Variants in HEATR9 observed in about 807,000 individuals in gnomAD.
The protein encoded by HEATR9 is protein HEATR9.
HEATR9 carries 54 observed loss-of-function variants against 68.2 expected under a neutral mutation model. The ratio of observed to expected loss-of-function variants is 0.79; its 90% confidence interval spans 0.64 to 0.99. The LOEUF (loss-of-function observed/expected upper bound fraction) is 0.99, where lower values mean the gene tolerates loss of function less well. Among genes scored for constraint, HEATR9 ranks in the 50% least tolerant of loss-of-function variants. The pLI is 0.00. For missense variants in HEATR9, 662 were observed against 679.7 expected (o/e 0.97, Z 0.29); for synonymous variants, 241 against 253.5 (o/e 0.95, Z 0.47).
At position 35,859,012 on chromosome 17, in the gene HEATR9, T is replaced by C. The variant is rs1425861655; in HGVS notation, c.815A>G (p.Lys272Arg). The change falls in exon 9 of 15, where the codon AAG becomes AGG. Residue 272 changes from lysine to arginine, a missense_variant. Coordinates refer to ENST00000604834, the MANE Select transcript of HEATR9 (RefSeq NM_152781.4). ...LVPVLQTLIK[K>R]SSSEASLEAA... ...CTCCAGAGATGCTTCACTGGACGAC[T>C]TCTTGATCAGTGTCTGTAGTACAGG... The C allele has an allele frequency of 1.2e-6, 2 of 1,614,196 alleles. No homozygotes were observed. Among genetic ancestry groups the C allele is most frequent in the South Asian group, 1.1e-5 (1 of 91,076 alleles).
At chr17:35,858,110 T>C in intron 11 of HEATR9, 90 bp downstream of exon 11, 2 of 1,550,674 alleles carry the variant, frequency 1.3e-6, no homozygotes, top group Non-Finnish European at 8.9e-7. Context: ...ATGAATGTGA[T>C]ACTTCGGTGG....
At chr17:35,855,614 T>C in intron 14 of HEATR9, 50 bp downstream of exon 14, 1 of 1,552,668 alleles carries the variant, frequency 6.4e-7, no homozygotes, top group Non-Finnish European at 8.9e-7. Context: ...GGGAGAAGCT[T>C]GAAGGAGGGC....
chr17:35,867,428 CAAAAAAAAAAAAAAAAA>C (rs11315915), intron 1 of HEATR9, among the ~76,000 whole-genome samples: 1 of 40,066 alleles, frequency 2.5e-5, no homozygotes, highest in African/African-American at 1.1e-4. Context: ...GAGCAAGACT[CAAAAAAAAAAAAAAAAA>C]AAAAAAAAAA....
intron 1 of HEATR9, among the ~76,000 whole-genome samples, 177 bp from the exon 2 acceptor site, chr17:35,866,950 A>G (rs2088216980): frequency 6.6e-6 from 1 of 152,000 alleles, no homozygotes; most frequent in African/African-American, 2.4e-5. Context: ...TCTACTAAAA[A>G]TACAAAAAAA....
intron 1 of HEATR9, among the ~76,000 whole-genome samples, chr17:35,868,394 G>A (rs532398131): frequency 6.6e-6 from 1 of 152,338 alleles, no homozygotes; most frequent in East Asian, 1.9e-4. Flanking sequence ...CAAGAATTGA[G>A]GGTAAAGAGC....
At chr17:35,865,463 AG>A in intron 2 of HEATR9, 67 bp from the exon 3 acceptor site, 2 of 1,240,948 alleles carry the variant, frequency 1.6e-6, no homozygotes, top group Non-Finnish European at 2.3e-6. Context: ...GGGTATGGGG[AG>A]GAGGGGGTAA....
chr17:35,862,017 G>A (rs2088013229), intron 8 of HEATR9, among the ~76,000 whole-genome samples: 1 of 151,666 alleles, frequency 6.6e-6, no homozygotes, highest in Admixed American at 6.6e-5. Flanking sequence ...CACCACACCT[G>A]GCTAAGTTTT....
chr17:35,866,671 G>T, intron 2 of HEATR9, 53 bp downstream of exon 2: 1 of 1,521,288 alleles, frequency 6.6e-7, no homozygotes, highest in Non-Finnish European at 9.1e-7. Context: ...ATAGTTTGCT[G>T]CCCCTCCTAA....
intron 6 of HEATR9, 50 bp downstream of exon 6, chr17:35,864,196 C>A: frequency 6.6e-7 from 1 of 1,514,984 alleles, no homozygotes; most frequent in Non-Finnish European, 9.2e-7. Context: ...TGCCACACAT[C>A]TCAGACCCTG....
At chr17:35,862,321 T>A (rs1303451468) in intron 8 of HEATR9, among the ~76,000 whole-genome samples, 1 of 152,230 alleles carries the variant, frequency 6.6e-6, no homozygotes, top group Non-Finnish European at 1.5e-5. Context: ...TAGCTGTTTA[T>A]TATCTATTTG....
Position 35,868,880 on chromosome 17 carries a change from A to G in HEATR9, c.-138T>C. On this transcript the variant is annotated 5_prime_UTR_variant, in exon 1 of 15. Coordinates refer to ENST00000604834, the MANE Select transcript of HEATR9 (RefSeq NM_152781.4). The stretch of plus-strand genomic sequence containing the variant: ...GAGGTGTCTGGACTTCTGGAGGTAG[A>G]AGCTTCCAAGTGCTAAGCGACCAGG... 1 of 686,644 alleles carries G rather than the reference A, an allele frequency of 1.5e-6. No individual in the cohort carries two copies. Among genetic ancestry groups the G allele is most frequent in the South Asian group, 1.9e-5 (1 of 53,218 alleles). The allele number at this position is 686,644 out of a possible 1,614,324, so 42.5% of individuals were successfully genotyped here.
In HEATR9 at chr17:35,868,699, G is replaced by A; in HGVS notation, c.44C>T (p.Ser15Leu). 1 of 1,614,182 alleles carries A rather than the reference G, an allele frequency of 6.2e-7. No individual in the cohort carries two copies. Among genetic ancestry groups the A allele is most frequent in the Non-Finnish European group, 8.5e-7 (1 of 1,180,024 alleles). The change falls in exon 1 of 15, where the codon TCA becomes TTA. Residue 15 changes from serine (S) to leucine (L), a missense_variant. Ser to Leu is a moderately radical substitution (Grantham distance 145, BLOSUM62 -2). Transcript: ENST00000604834. ...KSTDISDVSR[S>L]MFLYPWLEYP... Reference sequence around the variant, plus strand: ...TTCCAGCCATGGGTACAGGAACATTGACCTGGAGACATCAGAGATATCAGT... The same window carrying A: ...TTCCAGCCATGGGTACAGGAACATTAACCTGGAGACATCAGAGATATCAGT...
chr17:35,858,889 T>G lies in HEATR9; in HGVS notation c.938A>C (p.Lys313Thr). The G allele has an allele frequency of 6.2e-7, 1 of 1,613,188 alleles. No homozygotes were observed. The highest frequency in any genetic ancestry group is 8.5e-7 in the Non-Finnish European group (1 of 1,179,718). ...ATCCCAGCCTCCTGCCCCTCACACC[T>G]TCATCCGCTGGGTCTTGAGTCCTTG... ...LCQGLKTQRM[K>T]ALRMLVKVMH... Residue 313 changes from lysine to threonine, a missense_variant and splice_region_variant, in exon 9 of 15, where the codon AAG becomes ACG. Transcript: ENST00000604834.
rs115328933 is a variant in HEATR9 at position 35,856,221 on chromosome 17, T to C, written c.1230A>G (p.Gln410=). The C allele has an allele frequency of 9.9e-5, 160 of 1,614,088 alleles. No homozygotes were observed. In the East Asian group the frequency reaches 3.5e-3, roughly 36 times the overall value. Residue 410 remains glutamine (Q), a synonymous_variant, in exon 13 of 15, where the codon CAA becomes CAG. Coordinates refer to ENST00000604834, the MANE Select transcript of HEATR9 (RefSeq NM_152781.4). ...KPTMMNLVEA[Q]LMNPDATARQ... is the part of the protein sequence containing the mutation. ...GTGCAGTGGCATCTGGGTTCATCAG[T>C]TGTCTGTGTAGAAGGGAGTGAGTAT...
rs2087857792 is a variant in HEATR9 at position 35,858,499 on chromosome 17, C to T, written c.966G>A (p.Met322Ile). Residue 322 changes from methionine (M) to isoleucine (I), a missense_variant, in exon 10 of 15, where the codon ATG becomes ATA. Met to Ile is a conservative substitution (Grantham distance 10). Coordinates refer to ENST00000604834, the MANE Select transcript of HEATR9 (RefSeq NM_152781.4). ...TGATGACTGGGGCTGAGTGCACGTG[C>T]ATCACCTTGACCAGCATCCTAAGTG... is the stretch of plus-strand genomic sequence containing the variant. ...MKALRMLVKV[M>I]HVHSAPVIKA... 1 of 1,613,286 alleles carries T rather than the reference C, an allele frequency of 6.2e-7. No individual in the cohort carries two copies. Among genetic ancestry groups the T allele is most frequent in the African/African-American group, 1.3e-5 (1 of 74,456 alleles).
At chr17:35,859,192 A>G in intron 8 of HEATR9, 122 bp from the exon 9 acceptor site, 6 of 876,860 alleles carry the variant, frequency 6.8e-6, no homozygotes, top group Admixed American at 5.4e-5. Context: ...ATTTCAACCA[A>G]TTAACTTATT....
intron 8 of HEATR9, chr17:35,861,420 A>G: frequency 6.2e-7 from 1 of 1,608,654 alleles, no homozygotes; most frequent in Non-Finnish European, 8.5e-7. Flanking sequence ...TGGTCCACCT[A>G]ACTTTGCGAG....
rs377744012 is a variant in HEATR9, at chr17:35,864,372, A to C, written c.511-70T>G. Reference sequence around the variant, plus strand: ...ATCCCCAGGAGTTACCATTCTCTGGATACAGCTGGAGTTTGTGCTTGGAAT... The same window carrying C: ...ATCCCCAGGAGTTACCATTCTCTGGCTACAGCTGGAGTTTGTGCTTGGAAT... On this transcript the variant is annotated intron_variant, in intron 5 of 14. Coordinates refer to ENST00000604834, the MANE Select transcript of HEATR9 (RefSeq NM_152781.4). 4 of 1,526,058 alleles carry C rather than the reference A, an allele frequency of 2.6e-6. No individual in the cohort carries two copies. The African/African-American group carries it at 5.5e-5, about 21-fold the overall frequency. The allele number at this position is 1,526,058 out of a possible 1,614,324, so 94.5% of individuals were successfully genotyped here. A position where few individuals can be genotyped will look rare whatever the true frequency, so the allele number is the denominator to read the frequency against.
At chr17:35,856,275 G>T in intron 12 of HEATR9, 51 bp from the exon 13 acceptor site, 1 of 1,613,950 alleles carries the variant, frequency 6.2e-7, no homozygotes, top group Non-Finnish European at 8.5e-7. Context: ...AGTAGGGGAA[G>T]TGGAAGGGAG....
Sources: allele counts gnomAD v4.1 joint callset (sites outside exome capture counted in the v4.1 genomes callset), GRCh38; gene constraint gnomAD v4.1.1; transcripts MANE v1.5; gene names NCBI Gene and HGNC (gene_info 2026-07-23, HGNC 2026-07-21).